CYP2W1: variants seen among roughly 807,000 people sequenced by gnomAD.
CYP2W1 encodes the protein cytochrome P450 2W1.
A neutral mutation model predicts 44.9 loss-of-function variants in CYP2W1; 51 were observed. That is an observed-to-expected ratio of 1.14 (90% confidence interval 0.91 to 1.43). The LOEUF (loss-of-function observed/expected upper bound fraction) is 1.43. Ranked by LOEUF, CYP2W1 falls within the 40% of genes most tolerant of loss-of-function variation. The pLI is 0.00. For missense variants in CYP2W1, 746 were observed against 700.0 expected (o/e 1.07, Z -0.74); for synonymous variants, 383 against 338.3 (o/e 1.13, Z -1.45).
In CYP2W1 at chr7:988,639, C is replaced by A; in HGVS notation, c.1290C>A (p.Arg430=). The change falls in exon 9 of 9, where the codon CGC becomes CGA. Residue 430 remains arginine, a synonymous_variant. Coordinates refer to ENST00000308919, the MANE Select transcript of CYP2W1 (RefSeq NM_017781.3). The part of the protein sequence containing the change: ...REAFLPFSAG[R]RVCVGERLAR... Reference sequence around the variant, plus strand: ...GTGCCTGGACATCCCCCGCAGGCCGCCGCGTCTGTGTTGGGGAGCGCCTGG... The same window carrying A: ...GTGCCTGGACATCCCCCGCAGGCCGACGCGTCTGTGTTGGGGAGCGCCTGG... The A allele has an allele frequency of 6.2e-7, 1 of 1,602,722 alleles. No individual in the cohort carries two copies.
At position 983,240 on chromosome 7, in the gene CYP2W1, G is replaced by T. The variant is rs1445156134; in HGVS notation, c.29G>T (p.Gly10Val). The part of the protein sequence containing the change: MALLLLLFL[G>V]LLGLWGLLCA... ...GCCCTGCTGCTCTTGCTGTTCCTGGGCCTCCTGGGGCTCTGGGGGCTGCTC... is the reference window on the plus strand; with the variant it reads ...GCCCTGCTGCTCTTGCTGTTCCTGGTCCTCCTGGGGCTCTGGGGGCTGCTC... The change falls in exon 1 of 9, where the codon GGC becomes GTC. Residue 10 changes from glycine (G) to valine (V), a missense_variant. Gly to Val is a moderately radical substitution (Grantham distance 109, BLOSUM62 -3). Transcript: ENST00000308919. 1.3e-6 allele frequency: 2 copies of T among 1,528,916 alleles called. No homozygotes were observed. Among genetic ancestry groups the T allele is most frequent in the Non-Finnish European group, 1.8e-6 (2 of 1,134,178 alleles). 94.7% of individuals were successfully genotyped at this position (1,528,916 alleles called of 1,614,324 possible). A position where few individuals can be genotyped will look rare whatever the true frequency, so the allele number is the denominator to read the frequency against.
chr7:988,164 C>G, intron 7 of CYP2W1, 113 bp from the exon 8 acceptor site: 1 of 1,279,630 alleles, frequency 7.8e-7, no homozygotes, highest in Non-Finnish European at 1.1e-6. Context: ...GGTGGGCTAA[C>G]ACCAGGTGTG....
rs374069373 is a variant in CYP2W1 at position 987,373 on chromosome 7, G to A, written c.985G>A (p.Val329Met). 7.5e-6 allele frequency: 12 copies of A among 1,592,954 alleles called. No individual in the cohort carries two copies. In the African/African-American group the frequency reaches 9.4e-5, roughly 12 times the overall value. Residue 329 changes from valine (V) to methionine (M), a missense_variant, in exon 7 of 9, where the codon GTG becomes ATG. Transcript: ENST00000308919. ...QGRVQEELDR[V>M]LGPGRTPRLE... ...CCGGGTGCAGGAGGAGCTAGACCGC[G>A]TGCTGGGCCCTGGGCGGACTCCCCG...
At position 989,054 on chromosome 7, in the gene CYP2W1, C is replaced by T; in HGVS notation, c.*232C>T. 2.1e-6 allele frequency: 1 copy of T among 472,584 alleles called. No individual in the cohort carries two copies. Among genetic ancestry groups the T allele is most frequent in the Admixed American group, 3.5e-5 (1 of 28,722 alleles). The allele number at this position is 472,584 out of a possible 1,614,324, so 29.3% of individuals were successfully genotyped here. ...GATGCTGTCTGCAGCTCAGTCCCTGCCAGCCCCCAGGAGCGCCTCCAGGGC... is the reference window on the plus strand; with the variant it reads ...GATGCTGTCTGCAGCTCAGTCCCTGTCAGCCCCCAGGAGCGCCTCCAGGGC... On this transcript the variant is annotated 3_prime_UTR_variant, in exon 9 of 9. Transcript: ENST00000308919.
chr7:987,826 TG>T (rs1447988290), intron 7 of CYP2W1, among the ~76,000 whole-genome samples: 5 of 151,116 alleles, frequency 3.3e-5, no homozygotes, highest in Non-Finnish European at 7.4e-5. Context: ...CGGTGTGTCC[TG>T]GGGGTCCCCT....
chr7:985,248 C>T lies in CYP2W1; in HGVS notation c.570C>T (p.Tyr190=), dbSNP rs1459357283. Residue 190 remains tyrosine (Y), a synonymous_variant, in exon 4 of 9, where the codon TAC becomes TAT. Transcript: ENST00000308919. The part of the protein sequence containing the change: ...FALLFGRRFD[Y]RDPVFVSLLG... The stretch of plus-strand genomic sequence containing the variant: ...TCCTCTTCGGCCGCCGATTTGACTA[C>T]CGGGACCCCGTGTTTGTGTCCCTGC... 3 of 1,552,112 alleles carry T rather than the reference C, an allele frequency of 1.9e-6. No individual in the cohort carries two copies. The highest frequency in any genetic ancestry group is 2.6e-6 in the Non-Finnish European group (3 of 1,147,548).
At chr7:986,434 G>T in intron 4 of CYP2W1, 190 bp from the exon 5 acceptor site, 1 of 647,786 alleles carries the variant, frequency 1.5e-6, no homozygotes, top group Non-Finnish European at 2.7e-6. Flanking sequence ...TCCGGGACAC[G>T]GACAGGGGGT....
chr7:985,925 G>C (rs1449841527), intron 4 of CYP2W1, among the ~76,000 whole-genome samples: 4 of 152,128 alleles, frequency 2.6e-5, no homozygotes, highest in African/African-American at 4.8e-5. Flanking sequence ...GCAGCGGTGG[G>C]TTCACAAGCG....
chr7:984,070 T>C (rs891804667), intron 1 of CYP2W1, among the ~76,000 whole-genome samples: 43 of 152,324 alleles, frequency 2.8e-4, no homozygotes, highest in African/African-American at 1.0e-3. Context: ...CCTCACTCTG[T>C]GCAGACTCTG....
intron 4 of CYP2W1, among the ~76,000 whole-genome samples, chr7:985,599 G>C (rs1487069249): frequency 6.6e-6 from 1 of 152,154 alleles, no homozygotes; most frequent in Admixed American, 6.5e-5. Context: ...GGAGGTGGGA[G>C]GCAGGCATGG....
chr7:987,626 C>T, intron 7 of CYP2W1, 95 bp downstream of exon 7: 2 of 1,224,366 alleles, frequency 1.6e-6, no homozygotes, highest in Non-Finnish European at 2.2e-6. Flanking sequence ...CTGGTGGGTG[C>T]CTGATGGCCC....
chr7:984,416 CAGA>C lies in CYP2W1; in HGVS notation c.181_183del (p.Glu61del). 6.5e-7 allele frequency: 1 copy of C among 1,547,626 alleles called. No homozygotes were observed. Among genetic ancestry groups the C allele is most frequent in the Non-Finnish European group, 8.7e-7 (1 of 1,146,748 alleles). On this transcript the variant is annotated inframe_deletion, in exon 2 of 9. Coordinates refer to ENST00000308919, the MANE Select transcript of CYP2W1 (RefSeq NM_017781.3). Reference sequence around the variant, plus strand: ...GACCCCCGCCATCCCTGCCAGCTCTCAGAACGCTACGGGCCGGTGTTCACCGTG... The same window carrying C: ...GACCCCCGCCATCCCTGCCAGCTCTCACGCTACGGGCCGGTGTTCACCGTG...
At chr7:985,903 G>A (rs1248603667) in intron 4 of CYP2W1, among the ~76,000 whole-genome samples, 2 of 152,172 alleles carry the variant, frequency 1.3e-5, no homozygotes, top group Admixed American at 6.5e-5. Flanking sequence ...GGGCCGTGAT[G>A]GGAGTGAGTG....
chr7:988,470 TG>T (rs1407304115), intron 8 of CYP2W1, 52 bp downstream of exon 8: 1 of 1,607,060 alleles, frequency 6.2e-7, no homozygotes, highest in South Asian at 1.1e-5. Flanking sequence ...GCTCCAGGGG[TG>T]GGACGGCCCC....
intron 8 of CYP2W1, 34 bp from the exon 9 acceptor site, chr7:988,601 T>C: frequency 1.2e-6 from 2 of 1,602,332 alleles, no homozygotes; most frequent in Non-Finnish European, 1.7e-6. Flanking sequence ...GCAGGCCTGG[T>C]GCAGCCCACT....
chr7:984,923 C>T (rs1160309817), intron 2 of CYP2W1, 27 bp from the exon 3 acceptor site: 1 of 1,559,390 alleles, frequency 6.4e-7, no homozygotes, highest in Admixed American at 1.8e-5. Context: ...GGAACCTGGG[C>T]TCACCACGCA....
Position 985,188 on chromosome 7 carries a change from A to T in CYP2W1, c.510A>T (p.Leu170=). The T allele has an allele frequency of 6.4e-7, 1 of 1,570,230 alleles. No homozygotes were observed. The highest frequency in any genetic ancestry group is 8.6e-7 in the Non-Finnish European group (1 of 1,157,886). The change falls in exon 4 of 9, where the codon CTA becomes CTT. Residue 170 remains leucine, a synonymous_variant. Coordinates refer to ENST00000308919, the MANE Select transcript of CYP2W1 (RefSeq NM_017781.3). ...CAGGCCGGCCCTTCCCGCTGGCCCT[A>T]CTGGGCTGGGCTCCCTCCAATATCA... The part of the protein sequence containing the change: ...GYRGRPFPLA[L]LGWAPSNITF...
chr7:987,944 C>CCTGTGTGTCCTGGGGGTCCCCT (rs1562956523), intron 7 of CYP2W1, among the ~76,000 whole-genome samples: 2 of 125,312 alleles, frequency 1.6e-5, no homozygotes, highest in African/African-American at 7.2e-5. Flanking sequence ...GGGGGGGTCC[C>CCTGTGTGTCCTGGGGGTCCCCT]CTGTGTGTCC....
rs776240934 is a variant in CYP2W1, at chr7:988,631, G to A, written c.1286-4G>A. On this transcript the variant is annotated splice_polypyrimidine_tract_variant and splice_region_variant and intron_variant, in intron 8 of 8. Transcript: ENST00000308919. ...CCCACTCTGTGCCTGGACATCCCCC[G>A]CAGGCCGCCGCGTCTGTGTTGGGGA... 1.6e-5 allele frequency: 25 copies of A among 1,602,276 alleles called. No homozygotes were observed. Among genetic ancestry groups the A allele is most frequent in the East Asian group, 6.7e-5 (3 of 44,788 alleles).
Sources: allele counts gnomAD v4.1 joint callset (sites outside exome capture counted in the v4.1 genomes callset), GRCh38; gene constraint gnomAD v4.1.1; transcripts MANE v1.5; gene names NCBI Gene and HGNC (gene_info 2026-07-23, HGNC 2026-07-21).